The following DPP10 variants were observed in gnomAD, a reference collection of about 807,000 sequenced individuals.
The protein encoded by DPP10 is dipeptidyl peptidase like 10.
DPP10 carries 33 observed loss-of-function variants against 120.9 expected under a neutral mutation model. The ratio of observed to expected loss-of-function variants is 0.27; its 90% CI spans 0.21 to 0.37. The LOEUF (loss-of-function observed/expected upper bound fraction) is 0.37. Ranked by LOEUF, DPP10 falls within the 10% of genes least tolerant of loss-of-function variation. The probability of loss-of-function intolerance (pLI) is 1.00; values close to 1 mark genes in which losing one functional copy is unlikely to be tolerated. For synonymous variants in DPP10, 337 were observed against 326.1 expected (o/e 1.03, Z -0.36); for missense variants, 816 against 942.8 (o/e 0.87, Z 1.76).
chr2:115,377,513 T>TCTGATG (rs2065907082), intron 3 of DPP10, among the ~76,000 whole-genome samples: 1 of 152,158 alleles, frequency 6.6e-6, no homozygotes. Context: ...GCCTGTTCAC[T>TCTGATG]CTGATGGTAG....
chr2:115,650,093 A>T lies in DPP10; in HGVS notation c.442-39594A>T, dbSNP rs1476888086. Among the ~76,000 whole-genome samples, 3 of 152,210 alleles carry T rather than the reference A, an allele frequency of 2.0e-5. No individual in the cohort carries two copies. The East Asian group carries it at 5.8e-4, about 29-fold the overall frequency. On this transcript the variant is annotated intron_variant, in intron 5 of 25. Coordinates refer to ENST00000410059, the MANE Select transcript of DPP10 (RefSeq NM_020868.6). ...CCAGTGGTCATTTGTTGGCACAAGG[A>T]ATTTCTGTATTATAAATGACACTCA... is the stretch of plus-strand genomic sequence containing the variant.
intron 1 of DPP10, among the ~76,000 whole-genome samples, chr2:114,939,496 A>G (rs2104554989): frequency 6.6e-6 from 1 of 152,160 alleles, no homozygotes; most frequent in Non-Finnish European, 1.5e-5. Context: ...ACCTTAATAG[A>G]TATGACTATC....
chr2:114,453,922 T>A (rs983987440), intron 1 of DPP10, among the ~76,000 whole-genome samples: 1 of 152,196 alleles, frequency 6.6e-6, no homozygotes. Flanking sequence ...CCAAATGGGA[T>A]AGCACACAGA....
In DPP10 at chr2:114,477,923, A is replaced by G. The variant is rs1051216410; in HGVS notation, c.60+35085A>G. Among the ~76,000 whole-genome samples, 3 of 150,454 alleles carry G rather than the reference A, an allele frequency of 2.0e-5. No individual in the cohort carries two copies. The South Asian group carries it at 6.3e-4, about 31-fold the overall frequency. On this transcript the variant is annotated intron_variant, in intron 1 of 25. Coordinates refer to ENST00000410059, the MANE Select transcript of DPP10 (RefSeq NM_020868.6). ...TGTATATATGTACATATATGTGTATATATGTACATATGTGTATATATGTAC... is the reference window on the plus strand; with the variant it reads ...TGTATATATGTACATATATGTGTATGTATGTACATATGTGTATATATGTAC...
chr2:115,773,654 G>C (rs1346665006), intron 13 of DPP10, among the ~76,000 whole-genome samples: 1 of 152,004 alleles, frequency 6.6e-6, no homozygotes, highest in Non-Finnish European at 1.5e-5. Context: ...TGTTATTGTA[G>C]AGAAAAAATG....
chr2:115,838,071 A>G (rs1428772763), intron 24 of DPP10, among the ~76,000 whole-genome samples: 1 of 152,174 alleles, frequency 6.6e-6, no homozygotes, highest in Non-Finnish European at 1.5e-5. Flanking sequence ...ATAATAATAT[A>G]AGATGTTAAC....
intron 1 of DPP10, among the ~76,000 whole-genome samples, chr2:115,256,731 C>A (rs1208267301): frequency 2.6e-5 from 4 of 152,152 alleles, no homozygotes; most frequent in Admixed American, 6.5e-5. Flanking sequence ...CACTTGGATT[C>A]TTCCCCTGAA....
At chr2:114,713,394 T>G (rs1421834224) in intron 1 of DPP10, among the ~76,000 whole-genome samples, 1 of 152,182 alleles carries the variant, frequency 6.6e-6, no homozygotes, top group African/African-American at 2.4e-5. Context: ...CTGATATGTA[T>G]AGACAGACTG....
chr2:115,690,217 A>G (rs1178420954), intron 7 of DPP10, among the ~76,000 whole-genome samples: 1 of 152,186 alleles, frequency 6.6e-6, no homozygotes, highest in Non-Finnish European at 1.5e-5. Context: ...CATACTTTCC[A>G]TTACATAATA....
At chr2:114,695,375 T>C (rs971303553) in intron 1 of DPP10, among the ~76,000 whole-genome samples, 3 of 152,070 alleles carry the variant, frequency 2.0e-5, no homozygotes, top group Non-Finnish European at 4.4e-5. Context: ...GCCTGAGCCA[T>C]TGTGCCTAAC....
intron 5 of DPP10, among the ~76,000 whole-genome samples, chr2:115,578,571 A>G (rs1160950741): frequency 6.6e-6 from 1 of 152,200 alleles, no homozygotes; most frequent in Non-Finnish European, 1.5e-5. Context: ...ATGGACAGTG[A>G]GTAACATTTA....
intron 1 of DPP10, among the ~76,000 whole-genome samples, chr2:114,458,728 C>A (rs867554174): frequency 1.3e-5 from 2 of 152,042 alleles, no homozygotes; most frequent in Non-Finnish European, 2.9e-5. Flanking sequence ...ATGATACATG[C>A]AAAGTATTTT....
At chr2:114,453,000 A>G (rs970136947) in intron 1 of DPP10, among the ~76,000 whole-genome samples, 10 of 152,174 alleles carry the variant, frequency 6.6e-5, no homozygotes, top group Non-Finnish European at 1.2e-4. Context: ...TCTTGCACCA[A>G]TTCCTTATCT....
rs201031990 is a variant in DPP10 at position 115,434,167 on chromosome 2, AAATT to A, written c.272-65340_272-65337del. Reference sequence around the variant, plus strand: ...ACAGCAAAGCAAATCAACAAAAACTAAATTAAATAGGGCAAAAAGATGCTGTGGT... The same window carrying A: ...ACAGCAAAGCAAATCAACAAAAACTAAAATAGGGCAAAAAGATGCTGTGGT... On this transcript the variant is annotated intron_variant, in intron 3 of 25. Transcript: ENST00000410059. 8.2e-3 allele frequency among the ~76,000 whole-genome samples: 1,243 copies of A among 152,082 alleles called. 20 individuals are homozygous for A. Among genetic ancestry groups the A allele is most frequent in the African/African-American group, 0.029 (1,192 of 41,530 alleles).
intron 5 of DPP10, among the ~76,000 whole-genome samples, chr2:115,607,151 C>G (rs1379385128): frequency 6.6e-6 from 1 of 152,136 alleles, no homozygotes; most frequent in African/African-American, 2.4e-5. Context: ...TGACTTTGTA[C>G]GAATCCCTTA....
At chr2:114,832,375 C>A (rs1038886259) in intron 1 of DPP10, among the ~76,000 whole-genome samples, 2 of 151,998 alleles carry the variant, frequency 1.3e-5, no homozygotes, top group Non-Finnish European at 2.9e-5. Flanking sequence ...CTACTAAAAA[C>A]TACAAAAAAA....
intron 1 of DPP10, among the ~76,000 whole-genome samples, chr2:114,685,367 C>T (rs566710884): frequency 1.3e-5 from 2 of 152,098 alleles, no homozygotes; most frequent in South Asian, 4.1e-4. Context: ...CTGATCCCTG[C>T]TACTCTAAAT....
At chr2:115,763,662 C>G (rs1680369601) in intron 12 of DPP10, among the ~76,000 whole-genome samples, 2 of 152,122 alleles carry the variant, frequency 1.3e-5, no homozygotes, top group Admixed American at 6.6e-5. Flanking sequence ...GTCTCAACCC[C>G]TCAGGCACCT....
intron 3 of DPP10, among the ~76,000 whole-genome samples, chr2:115,415,867 A>G (rs1214750422): frequency 7.3e-6 from 1 of 137,634 alleles, no homozygotes; most frequent in Non-Finnish European, 1.6e-5. Context: ...ATATATATAT[A>G]TATATATATG....
Sources: allele counts gnomAD v4.1 joint callset (sites outside exome capture counted in the v4.1 genomes callset), GRCh38; gene constraint gnomAD v4.1.1; transcripts MANE v1.5; gene names NCBI Gene and HGNC (gene_info 2026-07-23, HGNC 2026-07-21).